Variants in MAGI2 observed in about 807,000 individuals in gnomAD.
The protein encoded by MAGI2 is membrane associated guanylate kinase, WW and PDZ domain containing 2.
Under a neutral mutation model 133.3 loss-of-function variants are expected in MAGI2, and 35 were observed. The ratio of observed to expected loss-of-function variants is 0.26; its 90% CI spans 0.20 to 0.35. The LOEUF is 0.35. MAGI2 is among the 10% of genes least tolerant of loss of function. The pLI is 1.00. For synonymous variants in MAGI2, 729 were observed against 710.6 expected (o/e 1.03, Z -0.41); for missense variants, 1,636 against 1,863.4 (o/e 0.88, Z 2.25).
chr7:78,771,614 C>T (rs2151321071), intron 2 of MAGI2, among the ~76,000 whole-genome samples: 1 of 152,284 alleles, frequency 6.6e-6, no homozygotes, highest in Middle Eastern at 3.4e-3. Context: ...CTGAACAATT[C>T]TTTTAAACTT....
chr7:78,688,892 G>A (rs1346118200), intron 2 of MAGI2, among the ~76,000 whole-genome samples: 4 of 152,122 alleles, frequency 2.6e-5, no homozygotes, highest in Non-Finnish European at 4.4e-5. Flanking sequence ...TTACTGTGAC[G>A]GATCCCTGTT....
At position 78,878,982 on chromosome 7, in the gene MAGI2, A is replaced by G. The variant is rs562108291; in HGVS notation, c.418+128108T>C. Among the ~76,000 whole-genome samples, 5 of 152,218 alleles carry G rather than the reference A, an allele frequency of 3.3e-5. No individual in the cohort carries two copies. The East Asian group carries it at 9.7e-4, about 30-fold the overall frequency. On this transcript the variant is annotated intron_variant, in intron 2 of 21. Coordinates refer to ENST00000354212, the MANE Select transcript of MAGI2 (RefSeq NM_012301.4). ...ACCTCATTCTTCCTGTGTAGAGACT[A>G]TAGTTCAGTAGGGCCCCTATGCTTC...
intron 10 of MAGI2, among the ~76,000 whole-genome samples, chr7:78,239,470 A>G (rs937950502): frequency 6.6e-6 from 1 of 152,244 alleles, no homozygotes; most frequent in Non-Finnish European, 1.5e-5. Flanking sequence ...CAATGAAGTG[A>G]CAACATGAAG....
chr7:78,519,803 T>G (rs959774282), intron 4 of MAGI2, among the ~76,000 whole-genome samples: 3 of 152,198 alleles, frequency 2.0e-5, no homozygotes, highest in African/African-American at 7.2e-5. Context: ...CTTTTTACAT[T>G]TTTAACCACA....
At chr7:78,646,308 A>G (rs1028452519) in intron 2 of MAGI2, among the ~76,000 whole-genome samples, 10 of 152,184 alleles carry the variant, frequency 6.6e-5, no homozygotes, top group African/African-American at 2.4e-4. Flanking sequence ...AGTATGGTTG[A>G]ATATTAAGCA....
intron 21 of MAGI2, among the ~76,000 whole-genome samples, chr7:78,070,616 ATG>A (rs1274874701): frequency 1.7e-4 from 22 of 128,198 alleles, no homozygotes; most frequent in Non-Finnish European, 2.6e-4. Context: ...GTATATATAT[ATG>A]TGTGTGTGTG....
chr7:78,037,784 G>A (rs551053211), intron 21 of MAGI2, among the ~76,000 whole-genome samples: 1 of 152,328 alleles, frequency 6.6e-6, no homozygotes, highest in East Asian at 1.9e-4. Context: ...GGGAGGGGGA[G>A]CCAAAGGATG....
At chr7:79,258,183 C>T (rs1306262459) in intron 1 of MAGI2, among the ~76,000 whole-genome samples, 1 of 152,160 alleles carries the variant, frequency 6.6e-6, no homozygotes, top group African/African-American at 2.4e-5. Context: ...TCACTCTGTC[C>T]TCAGAGAGCT....
At chr7:79,417,780 GT>G (rs1241669534) in intron 1 of MAGI2, among the ~76,000 whole-genome samples, 5 of 151,800 alleles carry the variant, frequency 3.3e-5, no homozygotes, top group African/African-American at 1.2e-4. Context: ...CAGACTGGAG[GT>G]TAGTAATTTG....
At chr7:78,152,764 C>T (rs1488057073) in intron 16 of MAGI2, among the ~76,000 whole-genome samples, 1 of 152,182 alleles carries the variant, frequency 6.6e-6, no homozygotes, top group African/African-American at 2.4e-5. Flanking sequence ...AGGTTCCCCA[C>T]CCCACTATTT....
chr7:78,097,367 T>A (rs1025373097), intron 20 of MAGI2, among the ~76,000 whole-genome samples: 1 of 152,172 alleles, frequency 6.6e-6, no homozygotes, highest in Non-Finnish European at 1.5e-5. Flanking sequence ...TGCATGTGAA[T>A]GGACATCGTA....
Position 79,393,574 on chromosome 7 carries a change from T to C in MAGI2, c.301+59446A>G, listed in dbSNP as rs181080911. 5.6e-3 allele frequency among the ~76,000 whole-genome samples: 858 copies of C among 152,326 alleles called. 3 individuals carry two copies. The highest frequency in any genetic ancestry group is 9.5e-3 in the Non-Finnish European group (645 of 68,014). ...AAAGTAATTCTCATTCTCAGTTGCG[T>C]ATATGAAACTTCATTAACACTTATT... On this transcript the variant is annotated intron_variant, in intron 1 of 21. Coordinates refer to ENST00000354212, the MANE Select transcript of MAGI2 (RefSeq NM_012301.4).
At chr7:78,733,361 A>T (rs1330198276) in intron 2 of MAGI2, among the ~76,000 whole-genome samples, 1 of 152,168 alleles carries the variant, frequency 6.6e-6, no homozygotes, top group Non-Finnish European at 1.5e-5. Context: ...AGAGGAGAAA[A>T]TTTTGGGGGC....
At chr7:78,181,411 G>A (rs76504722) in intron 13 of MAGI2, among the ~76,000 whole-genome samples, 6 of 151,990 alleles carry the variant, frequency 3.9e-5, no homozygotes, top group African/African-American at 1.5e-4. Flanking sequence ...TTTTTTCTGT[G>A]CTCTTTTTAA....
intron 6 of MAGI2, among the ~76,000 whole-genome samples, chr7:78,453,876 C>T (rs1296194171): frequency 1.3e-5 from 2 of 151,970 alleles, no homozygotes; most frequent in Non-Finnish European, 2.9e-5. Context: ...TGTTCTGTTC[C>T]TCTTTTACAC....
intron 2 of MAGI2, among the ~76,000 whole-genome samples, chr7:79,000,018 A>G (rs149363176): frequency 2.0e-5 from 3 of 152,316 alleles, no homozygotes; most frequent in African/African-American, 7.2e-5. Flanking sequence ...ATTTGAGGCA[A>G]TAAGATTAAT....
intron 2 of MAGI2, among the ~76,000 whole-genome samples, chr7:78,712,178 C>T (rs979520253): frequency 3.9e-5 from 6 of 152,118 alleles, no homozygotes; most frequent in East Asian, 1.9e-4. Flanking sequence ...TATATACACT[C>T]GTCTATGAAC....
At chr7:79,076,286 T>G (rs1426685232) in intron 1 of MAGI2, among the ~76,000 whole-genome samples, 1 of 152,220 alleles carries the variant, frequency 6.6e-6, no homozygotes, top group Non-Finnish European at 1.5e-5. Flanking sequence ...GCAGATGGAC[T>G]GGGGTTCTCA....
chr7:78,313,619 G>T (rs1354421503), intron 9 of MAGI2, among the ~76,000 whole-genome samples: 2 of 143,998 alleles, frequency 1.4e-5, no homozygotes, highest in African/African-American at 5.2e-5. Context: ...TAGGTACTTT[G>T]CTATTGGTAC....
Sources: gnomAD v4.1 joint callset for allele counts (sites outside exome capture counted in the v4.1 genomes callset) on GRCh38, gnomAD v4.1.1 for gene constraint, MANE v1.5 for transcripts, NCBI Gene and HGNC (gene_info 2026-07-23, HGNC 2026-07-21) for gene names.